The following PDZRN4 variants were observed in gnomAD, a reference collection of about 807,000 sequenced individuals.
The protein encoded by PDZRN4 is PDZ domain containing ring finger 4.
Under a neutral mutation model 99.0 loss-of-function variants are expected in PDZRN4, and 70 were observed. That is an observed-to-expected ratio of 0.71 (90% CI 0.58 to 0.86). The LOEUF (loss-of-function observed/expected upper bound fraction) is 0.86, where lower values mean the gene tolerates loss of function less well. Ranked by LOEUF, PDZRN4 falls within the 40% of genes least tolerant of loss-of-function variation. The probability of loss-of-function intolerance (pLI) is 0.00; values close to 1 mark genes in which losing one functional copy is unlikely to be tolerated. For synonymous variants in PDZRN4, 551 were observed against 501.6 expected (o/e 1.10, Z -1.32); for missense variants, 1,474 against 1,331.2 (o/e 1.11, Z -1.67).
Position 41,195,108 on chromosome 12 carries a change from G to C in PDZRN4, c.843+920G>C, listed in dbSNP as rs562202327. Reference sequence around the variant, plus strand: ...GGGGTGATAAAGTGAGCACCTATATGCTAGTAAAATTGGGTTATGTTAATG... The same window carrying C: ...GGGGTGATAAAGTGAGCACCTATATCCTAGTAAAATTGGGTTATGTTAATG... On this transcript the variant is annotated intron_variant, in intron 3 of 9. Transcript: ENST00000402685. Among the ~76,000 whole-genome samples the C allele has an allele frequency of 5.3e-5, 8 of 152,242 alleles. No homozygotes were observed. In the East Asian group the frequency reaches 1.5e-3, roughly 29 times the overall value.
intron 5 of PDZRN4, among the ~76,000 whole-genome samples, chr12:41,518,271 C>T (rs1313241796): frequency 6.6e-6 from 1 of 151,920 alleles, no homozygotes; most frequent in African/African-American, 2.4e-5. Context: ...AAAAGAGAAC[C>T]AGTAAATCCA....
intron 5 of PDZRN4, among the ~76,000 whole-genome samples, chr12:41,522,671 C>T (rs1938513113): frequency 6.6e-6 from 1 of 152,120 alleles, no homozygotes; most frequent in Admixed American, 6.6e-5. Context: ...TACGTTCTCT[C>T]AGATGTTGGG....
At chr12:41,240,954 C>T (rs1002769433) in intron 3 of PDZRN4, among the ~76,000 whole-genome samples, 1 of 152,056 alleles carries the variant, frequency 6.6e-6, no homozygotes, top group Non-Finnish European at 1.5e-5. Context: ...GTCTCTTGAC[C>T]TACTAATTCT....
At chr12:41,219,792 T>C (rs1434108271) in intron 3 of PDZRN4, among the ~76,000 whole-genome samples, 1 of 152,168 alleles carries the variant, frequency 6.6e-6, no homozygotes, top group African/African-American at 2.4e-5. Flanking sequence ...CAAAGCTGTG[T>C]TATGCATTCC....
intron 3 of PDZRN4, among the ~76,000 whole-genome samples, chr12:41,363,216 A>G (rs1183650453): frequency 6.6e-6 from 1 of 152,120 alleles, no homozygotes; most frequent in African/African-American, 2.4e-5. Flanking sequence ...ATTTTCTACT[A>G]CTAAATGCCT....
intron 3 of PDZRN4, among the ~76,000 whole-genome samples, chr12:41,502,825 A>G (rs894249941): frequency 1.3e-5 from 2 of 152,108 alleles, no homozygotes; most frequent in African/African-American, 2.4e-5. Context: ...GTAAAGAAAT[A>G]GAATAATAAG....
At chr12:41,202,526 A>C (rs1313498565) in intron 3 of PDZRN4, among the ~76,000 whole-genome samples, 2 of 152,044 alleles carry the variant, frequency 1.3e-5, no homozygotes, top group Non-Finnish European at 2.9e-5. Context: ...TAAGCCTATG[A>C]ATTATTACAG....
chr12:41,339,151 A>T (rs1401727406), intron 3 of PDZRN4, among the ~76,000 whole-genome samples: 2 of 151,950 alleles, frequency 1.3e-5, no homozygotes, highest in Admixed American at 1.3e-4. Context: ...AATGGGAGGA[A>T]TCACATTACC....
At chr12:41,538,040 T>C (rs1592102376) in intron 5 of PDZRN4, among the ~76,000 whole-genome samples, 1 of 152,266 alleles carries the variant, frequency 6.6e-6, no homozygotes, top group East Asian at 1.9e-4. Context: ...AACAAGTTGA[T>C]CAGGTAGGAG....
At chr12:41,374,635 G>A (rs185697047) in intron 3 of PDZRN4, among the ~76,000 whole-genome samples, 6 of 152,248 alleles carry the variant, frequency 3.9e-5, no homozygotes, top group Non-Finnish European at 2.9e-5. Flanking sequence ...TTGAAGATTG[G>A]TTGAAATTAA....
chr12:41,280,385 G>A (rs1951375620), intron 3 of PDZRN4, among the ~76,000 whole-genome samples: 1 of 152,142 alleles, frequency 6.6e-6, no homozygotes, highest in Non-Finnish European at 1.5e-5. Flanking sequence ...CCCCTGGAAA[G>A]GGAGCTGAAG....
At chr12:41,319,408 G>A (rs923500890) in intron 3 of PDZRN4, among the ~76,000 whole-genome samples, 1 of 152,026 alleles carries the variant, frequency 6.6e-6, no homozygotes, top group Non-Finnish European at 1.5e-5. Context: ...AGGTCACTGG[G>A]GGCCTGGGTT....
At chr12:41,418,880 A>G (rs35598170) in intron 3 of PDZRN4, among the ~76,000 whole-genome samples, 2,362 of 152,278 alleles carry the variant, frequency 0.016, 44 homozygotes, top group Non-Finnish European at 0.022. Flanking sequence ...ATCAGCATCT[A>G]GCTGACAACC....
chr12:41,494,587 A>AT (rs35164071), intron 3 of PDZRN4, among the ~76,000 whole-genome samples: 3,835 of 149,218 alleles, frequency 0.026, 61 homozygotes, highest in Non-Finnish European at 0.029. Context: ...CATTTACTTT[A>AT]TTTTTTTTTT....
chr12:41,233,371 T>A (rs1951042409), intron 3 of PDZRN4, among the ~76,000 whole-genome samples: 1 of 152,016 alleles, frequency 6.6e-6, no homozygotes, highest in Admixed American at 6.6e-5. Flanking sequence ...ATTGTTGGAG[T>A]CAGTGTGGCG....
chr12:41,282,522 C>T (rs1285148238), intron 3 of PDZRN4, among the ~76,000 whole-genome samples: 2 of 152,108 alleles, frequency 1.3e-5, no homozygotes, highest in African/African-American at 4.8e-5. Flanking sequence ...CCAAGCAGAC[C>T]TAATAGACAT....
intron 3 of PDZRN4, among the ~76,000 whole-genome samples, chr12:41,415,977 G>A (rs1175231553): frequency 1.3e-5 from 2 of 152,092 alleles, no homozygotes; most frequent in Non-Finnish European, 2.9e-5. Flanking sequence ...AGTCTAGCTA[G>A]GACACACAGG....
chr12:41,244,367 A>G (rs1308628607), intron 3 of PDZRN4, among the ~76,000 whole-genome samples: 1 of 152,092 alleles, frequency 6.6e-6, no homozygotes, highest in Admixed American at 6.5e-5. Flanking sequence ...TCTCCATACC[A>G]CAACCAGAGT....
chr12:41,278,081 G>T (rs888441347), intron 3 of PDZRN4, among the ~76,000 whole-genome samples: 1 of 152,194 alleles, frequency 6.6e-6, no homozygotes, highest in Non-Finnish European at 1.5e-5. Context: ...CAATATGTTT[G>T]CATGGACACT....
Sources: gnomAD v4.1 joint callset for allele counts (sites outside exome capture counted in the v4.1 genomes callset) on GRCh38, gnomAD v4.1.1 for gene constraint, MANE v1.5 for transcripts, NCBI Gene and HGNC (gene_info 2026-07-23, HGNC 2026-07-21) for gene names.